Variants in CSMD3 observed in about 807,000 individuals in gnomAD.
CSMD3 encodes CUB and Sushi multiple domains 3.
A neutral mutation model predicts 435.2 loss-of-function variants in CSMD3; 177 were observed. That is an observed-to-expected ratio of 0.41 (90% CI 0.36 to 0.46). CSMD3 has a LOEUF of 0.46. Among genes scored for constraint, CSMD3 ranks in the 20% least tolerant of loss-of-function variants. The pLI is 0.34. For synonymous variants in CSMD3, 1,656 were observed against 1,520.5 expected, an observed-to-expected ratio of 1.09 and a Z score of -2.07; for missense variants, 4,265 against 4,504.6, an observed-to-expected ratio of 0.95 and a Z score of 1.52.
chr8:112,463,979 G>T (rs996757793), intron 32 of CSMD3, among the ~76,000 whole-genome samples: 1 of 152,182 alleles, frequency 6.6e-6, no homozygotes, highest in Non-Finnish European at 1.5e-5. Context: ...GCTCATGCCT[G>T]TAATCCCAGC....
chr8:113,103,941 A>G (rs1306699559), intron 4 of CSMD3, among the ~76,000 whole-genome samples: 1 of 152,094 alleles, frequency 6.6e-6, no homozygotes, highest in African/African-American at 2.4e-5. Flanking sequence ...TTGTAAATGT[A>G]TGACCTTGTT....
intron 23 of CSMD3, among the ~76,000 whole-genome samples, chr8:112,581,780 G>A (rs1041785178): frequency 1.3e-5 from 2 of 151,996 alleles, no homozygotes; most frequent in African/African-American, 2.4e-5. Flanking sequence ...TAATATTTCA[G>A]GTTGTAGATC....
chr8:113,028,118 C>T (rs1343972999), intron 5 of CSMD3, among the ~76,000 whole-genome samples: 2 of 152,086 alleles, frequency 1.3e-5, no homozygotes, highest in Non-Finnish European at 2.9e-5. Flanking sequence ...ATTGTCACTT[C>T]ATCTCTCCAT....
intron 3 of CSMD3, among the ~76,000 whole-genome samples, chr8:113,240,429 T>A (rs892438853): frequency 5.3e-5 from 8 of 152,126 alleles, no homozygotes; most frequent in African/African-American, 1.4e-4. Context: ...TGAGGAATTG[T>A]CCCATTGTCT....
intron 4 of CSMD3, among the ~76,000 whole-genome samples, chr8:113,125,669 G>T (rs1192061711): frequency 1.3e-5 from 2 of 151,918 alleles, no homozygotes; most frequent in African/African-American, 4.8e-5. Flanking sequence ...AATTAAACCA[G>T]GGGAGTAAGG....
chr8:112,678,217 T>C lies in CSMD3; in HGVS notation c.2677+4225A>G, dbSNP rs550012979. ...TTAGGTGCTATCTGTAGACTCAGATTCACCAAAACTACCATCCAGTCTAGT... is the reference window on the plus strand; with the variant it reads ...TTAGGTGCTATCTGTAGACTCAGATCCACCAAAACTACCATCCAGTCTAGT... On this transcript the variant is annotated intron_variant, in intron 16 of 70. Coordinates refer to ENST00000297405, the MANE Select transcript of CSMD3 (RefSeq NM_198123.2). 3.3e-5 allele frequency among the ~76,000 whole-genome samples: 5 copies of C among 152,250 alleles called. No individual in the cohort carries two copies. In the East Asian group the frequency reaches 9.7e-4, roughly 29 times the overall value.
intron 4 of CSMD3, among the ~76,000 whole-genome samples, chr8:113,154,117 A>C (rs1191200625): frequency 6.6e-6 from 1 of 152,036 alleles, no homozygotes; most frequent in Non-Finnish European, 1.5e-5. Context: ...GTAATTTAAA[A>C]AATTTTATAC....
At chr8:113,394,979 T>C (rs918700277) in intron 1 of CSMD3, among the ~76,000 whole-genome samples, 1 of 152,038 alleles carries the variant, frequency 6.6e-6, no homozygotes, top group African/African-American at 2.4e-5. Context: ...ACCCAAGACA[T>C]AGGGGCATGA....
intron 4 of CSMD3, among the ~76,000 whole-genome samples, chr8:113,116,530 T>C (rs1294450965): frequency 6.6e-6 from 1 of 152,146 alleles, no homozygotes; most frequent in Non-Finnish European, 1.5e-5. Context: ...AACAGACTTA[T>C]ACAGTTAATT....
chr8:112,720,302 A>T (rs1031952286), intron 13 of CSMD3, among the ~76,000 whole-genome samples: 8 of 137,722 alleles, frequency 5.8e-5, no homozygotes, highest in East Asian at 2.2e-4. Flanking sequence ...AATGCTAGAA[A>T]TTTTTTTCTT....
chr8:112,763,633 T>C (rs1313583577), intron 13 of CSMD3, among the ~76,000 whole-genome samples: 1 of 148,964 alleles, frequency 6.7e-6, no homozygotes, highest in Non-Finnish European at 1.5e-5. Flanking sequence ...TTTATTCCTA[T>C]GAAACTATAT....
At chr8:112,520,009 A>G (rs1432327351) in intron 27 of CSMD3, among the ~76,000 whole-genome samples, 3 of 152,130 alleles carry the variant, frequency 2.0e-5, no homozygotes. Flanking sequence ...TATTATTTTC[A>G]CTAAAGTAGT....
intron 2 of CSMD3, among the ~76,000 whole-genome samples, chr8:113,280,874 G>A (rs1419372094): frequency 2.0e-5 from 3 of 151,632 alleles, no homozygotes; most frequent in Non-Finnish European, 4.4e-5. Context: ...CATTCAGTTC[G>A]AAGAATTTGT....
At chr8:112,981,548 C>A (rs2085053518) in intron 6 of CSMD3, among the ~76,000 whole-genome samples, 1 of 151,152 alleles carries the variant, frequency 6.6e-6, no homozygotes, top group South Asian at 2.1e-4. Flanking sequence ...TACAAGTGGC[C>A]TTGATGAAAT....
intron 10 of CSMD3, among the ~76,000 whole-genome samples, chr8:112,880,214 C>T (rs572769691): frequency 1.3e-5 from 2 of 152,164 alleles, no homozygotes; most frequent in Admixed American, 6.6e-5. Flanking sequence ...GACAATCTTT[C>T]TTTCTAGAAA....
chr8:112,897,765 G>GA (rs2081993972), intron 10 of CSMD3, among the ~76,000 whole-genome samples: 1 of 147,626 alleles, frequency 6.8e-6, no homozygotes, highest in African/African-American at 2.5e-5. Context: ...ATAAAAGAGT[G>GA]AAAAAAATAG....
intron 4 of CSMD3, among the ~76,000 whole-genome samples, chr8:113,157,100 G>T (rs1302618458): frequency 6.6e-6 from 1 of 152,076 alleles, no homozygotes; most frequent in Non-Finnish European, 1.5e-5. Context: ...CAACCCTGCT[G>T]AACTGTTGGT....
At chr8:112,508,471 G>C (rs541765503) in intron 28 of CSMD3, among the ~76,000 whole-genome samples, 1 of 152,108 alleles carries the variant, frequency 6.6e-6, no homozygotes, top group Non-Finnish European at 1.5e-5. Flanking sequence ...CTTTGATTAC[G>C]TTTCCCTCCT....
chr8:113,377,330 A>G, intron 1 of CSMD3: 1 of 186,680 alleles, frequency 5.4e-6, no homozygotes, highest in Admixed American at 5.4e-5. Flanking sequence ...TTTTCTTTTT[A>G]AAATACAGAA....
Sources: gnomAD v4.1 joint callset for allele counts (sites outside exome capture counted in the v4.1 genomes callset) on GRCh38, gnomAD v4.1.1 for gene constraint, MANE v1.5 for transcripts, NCBI Gene and HGNC (gene_info 2026-07-23, HGNC 2026-07-21) for gene names.